Variants in RPS6KA5 observed in about 807,000 individuals in gnomAD.
The protein encoded by RPS6KA5 is ribosomal protein S6 kinase alpha-5.
In RPS6KA5, 27 loss-of-function variants were observed where a neutral mutation model predicts 85.5. That is an observed-to-expected ratio of 0.32 (90% CI 0.23 to 0.44). The LOEUF is 0.44. Ranked by LOEUF, RPS6KA5 falls within the 20% of genes least tolerant of loss-of-function variation. RPS6KA5 has a pLI of 1.00. For synonymous variants in RPS6KA5, 334 were observed against 348.2 expected (o/e 0.96, Z 0.46); for missense variants, 811 against 980.9 (o/e 0.83, Z 2.31).
At chr14:90,987,902 T>C (rs2040126063) in intron 2 of RPS6KA5, among the ~76,000 whole-genome samples, 1 of 152,230 alleles carries the variant, frequency 6.6e-6, no homozygotes, top group Admixed American at 6.5e-5. Flanking sequence ...CTGCATTACA[T>C]GAAGACCAGC....
At chr14:90,895,496 A>G (rs1017509636) in intron 12 of RPS6KA5, among the ~76,000 whole-genome samples, 3 of 152,196 alleles carry the variant, frequency 2.0e-5, no homozygotes, top group Non-Finnish European at 4.4e-5. Context: ...AATCCCAACA[A>G]TATTATCTTA....
chr14:91,003,848 T>G (rs986106892), intron 1 of RPS6KA5, among the ~76,000 whole-genome samples: 3 of 152,172 alleles, frequency 2.0e-5, no homozygotes, highest in African/African-American at 2.4e-5. Context: ...CTCTTCCACC[T>G]CAAGTTTCTG....
chr14:90,888,214 A>G (rs1182702525), intron 14 of RPS6KA5, among the ~76,000 whole-genome samples: 1 of 152,168 alleles, frequency 6.6e-6, no homozygotes, highest in Non-Finnish European at 1.5e-5. Flanking sequence ...TTTAGAGAGA[A>G]GCATGGCTTC....
intron 1 of RPS6KA5, among the ~76,000 whole-genome samples, chr14:91,058,015 G>A (rs559660137): frequency 6.6e-6 from 1 of 152,238 alleles, no homozygotes; most frequent in South Asian, 2.1e-4. Context: ...GCACAAATGA[G>A]CCACCACCAA....
intron 7 of RPS6KA5, among the ~76,000 whole-genome samples, chr14:90,915,112 AG>A (rs2036039278): frequency 1.3e-5 from 2 of 152,196 alleles, no homozygotes; most frequent in South Asian, 4.1e-4. Context: ...TTCTTAAAAC[AG>A]GGTAAAAAAA....
At chr14:91,058,577 A>G (rs974562222) in intron 1 of RPS6KA5, among the ~76,000 whole-genome samples, 4 of 152,236 alleles carry the variant, frequency 2.6e-5, no homozygotes, top group Non-Finnish European at 5.9e-5. Context: ...TATGTAAGAC[A>G]AGAAAAAAAT....
chr14:91,018,535 G>A (rs141797809), intron 1 of RPS6KA5, among the ~76,000 whole-genome samples: 8 of 152,334 alleles, frequency 5.3e-5, no homozygotes, highest in Admixed American at 1.3e-4. Context: ...ATTAGGTGGC[G>A]TAAGCTGACT....
chr14:90,996,852 T>A (rs1344213518), intron 2 of RPS6KA5, among the ~76,000 whole-genome samples: 2 of 152,190 alleles, frequency 1.3e-5, no homozygotes, highest in Non-Finnish European at 2.9e-5. Flanking sequence ...ATAAGTATAC[T>A]CATCCATTCA....
intron 2 of RPS6KA5, among the ~76,000 whole-genome samples, chr14:90,992,042 A>AT (rs1416539577): frequency 6.6e-5 from 10 of 152,314 alleles, no homozygotes; most frequent in African/African-American, 9.6e-5. Context: ...AAAACCTTAC[A>AT]TGACACATGA....
At chr14:90,877,810 A>G (rs574770678) in intron 14 of RPS6KA5, among the ~76,000 whole-genome samples, 2 of 152,350 alleles carry the variant, frequency 1.3e-5, no homozygotes, top group African/African-American at 4.8e-5. Flanking sequence ...TGCTTTGTCA[A>G]TAACTAGCTT....
chr14:91,043,452 A>T (rs1265357441), intron 1 of RPS6KA5, among the ~76,000 whole-genome samples: 3 of 152,226 alleles, frequency 2.0e-5, no homozygotes, highest in African/African-American at 7.2e-5. Context: ...CCTTGTGGCC[A>T]AACTGCTTCA....
In RPS6KA5 at chr14:90,868,005, G is replaced by C. The variant is rs1341985076; in HGVS notation, c.*4069C>G. On this transcript the variant is annotated 3_prime_UTR_variant, in exon 17 of 17. Coordinates refer to ENST00000614987, the MANE Select transcript of RPS6KA5 (RefSeq NM_004755.4). ...TATAGAAGGTGAGGACAGAAGTGAG[G>C]CTAATCAAATGTTCTTAGCAAGATG... 1 of 152,000 alleles carries C rather than the reference G, an allele frequency of 6.6e-6. No homozygotes were observed. Among genetic ancestry groups the C allele is most frequent in the Admixed American group, 6.6e-5 (1 of 15,264 alleles). The allele number at this position is 152,000 out of a possible 1,614,324, so 9.4% of individuals were successfully genotyped here.
In RPS6KA5 at chr14:90,901,096, T is replaced by C. The variant is rs1280107965; in HGVS notation, c.1120-360A>G. ...TTCTCAAAAAAGGATACAGTCAAGG[T>C]ATTAAACAAAGTGGTCTTTTTTTTT... On this transcript the variant is annotated intron_variant, in intron 9 of 16. Coordinates refer to ENST00000614987, the MANE Select transcript of RPS6KA5 (RefSeq NM_004755.4). 3.3e-5 allele frequency among the ~76,000 whole-genome samples: 5 copies of C among 152,262 alleles called. No homozygotes were observed. In the East Asian group the frequency reaches 7.7e-4, roughly 23 times the overall value.
chr14:90,873,139 C>T (rs942888052), intron 16 of RPS6KA5, among the ~76,000 whole-genome samples: 2 of 152,156 alleles, frequency 1.3e-5, no homozygotes, highest in Non-Finnish European at 2.9e-5. Context: ...AATATATTTG[C>T]ATCTGCTTGG....
chr14:91,016,377 TAAA>T (rs2041498058), intron 1 of RPS6KA5, among the ~76,000 whole-genome samples: 1 of 152,178 alleles, frequency 6.6e-6, no homozygotes, highest in African/African-American at 2.4e-5. Context: ...TTAAATGATT[TAAA>T]ATGCAAAGTT....
chr14:90,899,891 G>C (rs1052951962), intron 11 of RPS6KA5, among the ~76,000 whole-genome samples: 2 of 152,058 alleles, frequency 1.3e-5, no homozygotes, highest in African/African-American at 2.4e-5. Context: ...AAACTCAAAA[G>C]CAAATAAGAC....
At chr14:90,988,633 T>C (rs1338158175) in intron 2 of RPS6KA5, among the ~76,000 whole-genome samples, 1 of 152,040 alleles carries the variant, frequency 6.6e-6, no homozygotes, top group Non-Finnish European at 1.5e-5. Flanking sequence ...GCCAACTTGG[T>C]GAAACGCCGT....
Position 91,001,150 on chromosome 14 carries a change from G to A in RPS6KA5, c.113C>T (p.Thr38Ile). The A allele has an allele frequency of 6.3e-7, 1 of 1,591,408 alleles. No individual in the cohort carries two copies. ...TATTCCCACCTTCTCAGCATGTCCT[G>A]TCAAATTAGCTAAAAGAAAAAAAGA... ...VKHELRTANLTGHAEKVGIEN... is the reference protein window; with the variant it reads ...VKHELRTANLIGHAEKVGIEN... The change falls in exon 2 of 17, where the codon ACA becomes ATA. Residue 38 changes from threonine to isoleucine, a missense_variant. Around this residue, in one of 3 missense-constraint regions of RPS6KA5, gnomAD observed 113 missense variants for 100.0 expected, o/e 1.13. Coordinates refer to ENST00000614987, the MANE Select transcript of RPS6KA5 (RefSeq NM_004755.4).
chr14:90,924,789 C>G (rs2036575084), intron 5 of RPS6KA5, among the ~76,000 whole-genome samples: 1 of 152,188 alleles, frequency 6.6e-6, no homozygotes, highest in African/African-American at 2.4e-5. Context: ...TCAGATAACA[C>G]TGGATATAAA....
Sources: gnomAD v4.1 joint callset for allele counts (sites outside exome capture counted in the v4.1 genomes callset) on GRCh38, gnomAD v4.1.1 for gene constraint, gnomAD v4.1.1 regional missense constraint, MANE v1.5 for transcripts, NCBI Gene and HGNC (gene_info 2026-07-23, HGNC 2026-07-21) for gene names.